The following KCNK2 variants were observed in gnomAD, a reference collection of about 807,000 sequenced individuals.
The protein encoded by KCNK2 is potassium channel subfamily K member 2.
In KCNK2, 21 loss-of-function variants were observed where a neutral mutation model predicts 40.5. The ratio of observed to expected loss-of-function variants is 0.52; its 90% CI spans 0.37 to 0.75. KCNK2 has a LOEUF of 0.75. KCNK2 is among the 30% of genes least tolerant of loss of function. KCNK2 has a pLI of 0.00. For missense variants in KCNK2, 399 were observed against 531.6 expected (o/e 0.75, Z 2.45); for synonymous variants, 191 against 202.2 (o/e 0.94, Z 0.47).
At chr1:215,113,919 G>C (rs917773588) in intron 2 of KCNK2, among the ~76,000 whole-genome samples, 1 of 152,154 alleles carries the variant, frequency 6.6e-6, no homozygotes, top group Non-Finnish European at 1.5e-5. Flanking sequence ...TATACAGCAA[G>C]TGATTAAAAA....
At chr1:215,022,592 TA>T (rs1656844418) in intron 1 of KCNK2, among the ~76,000 whole-genome samples, 1 of 152,092 alleles carries the variant, frequency 6.6e-6, no homozygotes, top group Non-Finnish European at 1.5e-5. Context: ...GGGCACAGGA[TA>T]TTTTTTTAAA....
At chr1:215,116,091 G>A (rs910372638) in intron 2 of KCNK2, among the ~76,000 whole-genome samples, 3 of 151,282 alleles carry the variant, frequency 2.0e-5, no homozygotes, top group African/African-American at 7.3e-5. Flanking sequence ...ATGGTTACTT[G>A]CCCTTAGACA....
intron 3 of KCNK2, among the ~76,000 whole-genome samples, chr1:215,149,767 A>G (rs983513897): frequency 1.3e-5 from 2 of 152,208 alleles, no homozygotes; most frequent in African/African-American, 4.8e-5. Flanking sequence ...TCTTCATGTA[A>G]TATTTTTCTT....
At chr1:215,177,742 T>TATA (rs1558126644) in intron 5 of KCNK2, among the ~76,000 whole-genome samples, 34 of 30,994 alleles carry the variant, frequency 1.1e-3, no homozygotes, top group African/African-American at 2.9e-3. Flanking sequence ...ATATATATAT[T>TATA]TTTTTTTTTT....
chr1:215,067,691 C>T (rs1658605366), intron 1 of KCNK2, among the ~76,000 whole-genome samples: 1 of 151,912 alleles, frequency 6.6e-6, no homozygotes, highest in African/African-American at 2.4e-5. Context: ...TGGTGAAACC[C>T]CGTCTCTACT....
At chr1:215,040,333 CAG>C (rs1657522429) in intron 1 of KCNK2, among the ~76,000 whole-genome samples, 3 of 152,080 alleles carry the variant, frequency 2.0e-5, no homozygotes, top group Admixed American at 2.0e-4. Flanking sequence ...GATGACAAAA[CAG>C]ATGATTAGAG....
At chr1:215,005,688 CAG>C (rs1656102362), upstream of KCNK2, 7 of 446,244 alleles carry the variant, frequency 1.6e-5, no homozygotes, top group Non-Finnish European at 2.8e-5. Context: ...ACTGTAAAAA[CAG>C]AGGATTTGAG....
chr1:215,235,071 G>C lies in KCNK2; in HGVS notation c.1207G>C (p.Glu403Gln). 6.2e-7 allele frequency: 1 copy of C among 1,613,746 alleles called. No homozygotes were observed. The change falls in exon 7 of 7, where the codon GAG becomes CAG. Residue 403 changes from glutamate (E) to glutamine (Q), a missense_variant. Transcript: ENST00000444842. ...RDVLPPLLKTESIYLNGLTPH... is the reference protein window; with the variant it reads ...RDVLPPLLKTQSIYLNGLTPH... ...TGTCTTGCCTCCCTTACTGAAGACT[G>C]AGAGTATCTATCTGAATGGTTTGAC...
intron 1 of KCNK2, among the ~76,000 whole-genome samples, chr1:215,006,208 C>T (rs763815376): frequency 4.6e-5 from 7 of 152,032 alleles, no homozygotes; most frequent in Non-Finnish European, 8.8e-5. Context: ...CTTTTATTTG[C>T]GATGTGTTAC....
intron 6 of KCNK2, among the ~76,000 whole-genome samples, chr1:215,228,150 G>A (rs1412673228): frequency 6.6e-6 from 1 of 152,136 alleles, no homozygotes; most frequent in Non-Finnish European, 1.5e-5. Context: ...TCGGAAGGAT[G>A]TGATTATCCG....
At chr1:215,134,187 G>T (rs762512661) in intron 3 of KCNK2, among the ~76,000 whole-genome samples, 2 of 152,072 alleles carry the variant, frequency 1.3e-5, no homozygotes, top group Non-Finnish European at 2.9e-5. Context: ...GGATTTTTCT[G>T]CAGTTCTCCA....
intron 5 of KCNK2, among the ~76,000 whole-genome samples, chr1:215,189,725 T>A (rs1664589462): frequency 6.6e-6 from 1 of 152,144 alleles, no homozygotes; most frequent in Admixed American, 6.5e-5. Context: ...AAAATAGAAT[T>A]TATAACATCA....
chr1:215,078,633 C>T (rs1038865673), upstream of KCNK2, among the ~76,000 whole-genome samples: 21 of 152,146 alleles, frequency 1.4e-4, no homozygotes, highest in African/African-American at 4.8e-4. Context: ...CCACCCTTGA[C>T]ATGTGGGAAT....
chr1:215,099,370 T>C (rs1660115918), intron 2 of KCNK2, among the ~76,000 whole-genome samples: 1 of 152,000 alleles, frequency 6.6e-6, no homozygotes, highest in Non-Finnish European at 1.5e-5. Flanking sequence ...CTGCATGGTA[T>C]TCATTGGAGT....
At chr1:215,083,569 A>G in intron 1 of KCNK2, 138 bp downstream of exon 1, 1 of 688,246 alleles carries the variant, frequency 1.5e-6, no homozygotes, top group Non-Finnish European at 2.6e-6. Flanking sequence ...GTGTTGGGTC[A>G]TAATCTGGAT....
At chr1:215,225,667 C>T (rs572872014) in intron 6 of KCNK2, among the ~76,000 whole-genome samples, 1 of 152,116 alleles carries the variant, frequency 6.6e-6, no homozygotes, top group African/African-American at 2.4e-5. Context: ...GGAGTCTGGT[C>T]TATTCAAATT....
At chr1:215,138,459 A>T (rs751779934) in intron 3 of KCNK2, among the ~76,000 whole-genome samples, 6 of 152,126 alleles carry the variant, frequency 3.9e-5, no homozygotes, top group African/African-American at 9.7e-5. Context: ...AAATCAGGGG[A>T]TAGAAATTGT....
intron 6 of KCNK2, among the ~76,000 whole-genome samples, chr1:215,207,322 G>A (rs561914766): frequency 6.6e-6 from 1 of 152,212 alleles, no homozygotes; most frequent in African/African-American, 2.4e-5. Flanking sequence ...CTGTGCACAC[G>A]AGAGACCTAT....
intron 1 of KCNK2, among the ~76,000 whole-genome samples, chr1:215,072,191 A>C (rs1156284368): frequency 2.0e-5 from 3 of 152,164 alleles, no homozygotes; most frequent in Non-Finnish European, 4.4e-5. Flanking sequence ...ATCTCACAGG[A>C]TATCTGATGT....
Sources: gnomAD v4.1 joint callset for allele counts (sites outside exome capture counted in the v4.1 genomes callset) on GRCh38, gnomAD v4.1.1 for gene constraint, MANE v1.5 for transcripts, NCBI Gene and HGNC (gene_info 2026-07-23, HGNC 2026-07-21) for gene names.